CALR3: variants seen among roughly 807,000 people sequenced by gnomAD.
CALR3 encodes calreticulin 3, also known as calreticulin-3.
Under a neutral mutation model 48.7 loss-of-function variants are expected in CALR3, and 39 were observed. The ratio of observed to expected loss-of-function variants is 0.80; its 90% CI spans 0.62 to 1.05. The LOEUF is 1.05. CALR3 is among the 50% of genes least tolerant of loss of function. The pLI, the probability that CALR3 is intolerant of heterozygous loss-of-function variation, is 0.00. For missense variants in CALR3, 449 were observed against 474.7 expected (o/e 0.95, Z 0.50); for synonymous variants, 185 against 172.7 (o/e 1.07, Z -0.56).
chr19:16,487,194 T>C (rs984759530), intron 3 of CALR3, among the ~76,000 whole-genome samples: 1 of 151,970 alleles, frequency 6.6e-6, no homozygotes, highest in Non-Finnish European at 1.5e-5. Flanking sequence ...GTTGTAGAGA[T>C]GGGGCCAGGC....
intron 3 of CALR3, among the ~76,000 whole-genome samples, chr19:16,489,520 G>A (rs1332885968): frequency 6.6e-6 from 1 of 151,984 alleles, no homozygotes; most frequent in African/African-American, 2.4e-5. Context: ...TTGGGAGGCT[G>A]AAGCAGGTGA....
chr19:16,488,678 G>A (rs2093392914), intron 3 of CALR3, among the ~76,000 whole-genome samples: 1 of 152,286 alleles, frequency 6.6e-6, no homozygotes, highest in Admixed American at 6.5e-5. Flanking sequence ...AAAATGCTGA[G>A]ATTACAGGTG....
chr19:16,490,008 G>A (rs555252603), intron 3 of CALR3, among the ~76,000 whole-genome samples: 29 of 152,158 alleles, frequency 1.9e-4, no homozygotes, highest in Non-Finnish European at 2.9e-4. Flanking sequence ...TCAGATTAGC[G>A]TTGTTCAACC....
chr19:16,494,776 GC>G lies in CALR3; in HGVS notation c.193+974del, dbSNP rs558419936. On this transcript the variant is annotated intron_variant, in intron 2 of 8. Coordinates refer to ENST00000269881, the MANE Select transcript of CALR3 (RefSeq NM_145046.5). ...ACTTGACTAGTGTCTATTAAGAGGGGCAATTTTGGTAATGCCTACTAATAAC... is the reference window on the plus strand; with the variant it reads ...ACTTGACTAGTGTCTATTAAGAGGGGAATTTTGGTAATGCCTACTAATAAC... 1.6e-4 allele frequency among the ~76,000 whole-genome samples: 24 copies of G among 152,324 alleles called. No homozygotes were observed. The South Asian group carries it at 5.0e-3, about 32-fold the overall frequency.
intron 2 of CALR3, among the ~76,000 whole-genome samples, chr19:16,492,529 G>A (rs1446688067): frequency 6.6e-6 from 1 of 152,006 alleles, no homozygotes; most frequent in East Asian, 1.9e-4. Flanking sequence ...TTGGGAGTTG[G>A]AGACCAGCCT....
Position 16,479,093 on chromosome 19 carries a change from G to T in CALR3, c.*38C>A. 6.2e-7 allele frequency: 1 copy of T among 1,611,502 alleles called. No individual in the cohort carries two copies. The highest frequency in any genetic ancestry group is 1.1e-5 in the South Asian group (1 of 91,006). ...TTGAAACATAGATTAAAGTAGCAAT[G>T]AGATTTTACCAGTCATCCTTATATC... On this transcript the variant is annotated 3_prime_UTR_variant, in exon 9 of 9. Coordinates refer to ENST00000269881, the MANE Select transcript of CALR3 (RefSeq NM_145046.5).
In CALR3 at chr19:16,484,031, A is replaced by G. The variant is rs2093384873; in HGVS notation, c.577T>C (p.Ser193Pro). 3 of 1,614,084 alleles carry G rather than the reference A, an allele frequency of 1.9e-6. 1 individual carries two copies. The highest frequency in any genetic ancestry group is 2.5e-6 in the Non-Finnish European group (3 of 1,180,012). ...TTCCAGTCGTACTCTATGCTGCCGG[A>G]TTCAATTGACTGACCATCAATTTTC... ...DVKIDGQSIE[S>P]GSIEYDWNLT... Residue 193 changes from serine to proline, a missense_variant, in exon 5 of 9, where the codon TCC (serine) becomes CCC (proline). By Grantham distance (74) the Ser-to-Pro change is moderately conservative. Coordinates refer to ENST00000269881, the MANE Select transcript of CALR3 (RefSeq NM_145046.5).
chr19:16,488,103 G>A (rs1461077595), intron 3 of CALR3, among the ~76,000 whole-genome samples: 3 of 151,854 alleles, frequency 2.0e-5, no homozygotes, highest in South Asian at 2.1e-4. Flanking sequence ...GTGAGCCACC[G>A]CGCCCGGCTC....
At chr19:16,491,146 G>T (rs931208284) in intron 2 of CALR3, among the ~76,000 whole-genome samples, 2 of 150,584 alleles carry the variant, frequency 1.3e-5, no homozygotes, top group African/African-American at 4.9e-5. Flanking sequence ...TTTTTGAGAT[G>T]GAGTCTCGCT....
At chr19:16,479,305 A>G in intron 8 of CALR3, 31 bp from the exon 9 acceptor site, 1 of 1,612,828 alleles carries the variant, frequency 6.2e-7, no homozygotes, top group East Asian at 2.2e-5. Context: ...CATAAGCCCC[A>G]CCGGGTGCGA....
chr19:16,489,845 CAAAAACAA>C (rs2093395063), intron 3 of CALR3, among the ~76,000 whole-genome samples: 7 of 146,090 alleles, frequency 4.8e-5, no homozygotes, highest in South Asian at 4.3e-4. Flanking sequence ...AAAACAAAAA[CAAAAACAA>C]AAACAAACAA....
intron 3 of CALR3, among the ~76,000 whole-genome samples, chr19:16,490,095 G>C (rs1043086674): frequency 6.6e-6 from 1 of 152,118 alleles, no homozygotes; most frequent in Non-Finnish European, 1.5e-5. Context: ...AAACATTTCA[G>C]ATAAGGTATC....
intron 1 of CALR3, 44 bp downstream of exon 1, chr19:16,495,995 T>C (rs1455750453): frequency 2.5e-6 from 4 of 1,569,496 alleles, no homozygotes; most frequent in Non-Finnish European, 3.5e-6. Context: ...GGGGCGGAGA[T>C]GGGGGAGCTT....
rs201321577 is a variant in CALR3 at position 16,490,521 on chromosome 19, G to A, written c.243C>T (p.Phe81=). ...TTTTCCCTTTATTGCTGAACGGTTTGAAGCGTGCAGAGATGGCATAGAATC... is the reference window on the plus strand; with the variant it reads ...TTTTCCCTTTATTGCTGAACGGTTTAAAGCGTGCAGAGATGGCATAGAATC... ...NGRFYAISAR[F]KPFSNKGKTL... The change falls in exon 3 of 9, where the codon TTC becomes TTT. Residue 81 remains phenylalanine (F), a synonymous_variant. Coordinates refer to ENST00000269881, the MANE Select transcript of CALR3 (RefSeq NM_145046.5). 1.0e-4 allele frequency: 165 copies of A among 1,614,026 alleles called. No individual in the cohort carries two copies. Among genetic ancestry groups the A allele is most frequent in the Non-Finnish European group, 1.4e-5 (17 of 1,180,040 alleles).
intron 3 of CALR3, among the ~76,000 whole-genome samples, chr19:16,487,814 A>ATT (rs1158111803): frequency 1.5e-3 from 170 of 111,284 alleles, no homozygotes; most frequent in Middle Eastern, 5.5e-3. Context: ...CTAATTTTCA[A>ATT]TTTTTTTTTT....
At chr19:16,486,298 C>T (rs1193538993) in intron 3 of CALR3, among the ~76,000 whole-genome samples, 1 of 139,554 alleles carries the variant, frequency 7.2e-6, no homozygotes, top group Non-Finnish European at 1.6e-5. Flanking sequence ...CCTGGGTGAC[C>T]AAGCGAGACT....
rs753171373 is a variant in CALR3, at chr19:16,482,741, G to A, written c.723C>T (p.Ser241=). ...HFLDASTSKQ[S]DWNGDLDGDW... ...CCCCATCCAGGTCACCGTTCCAGTC[G>A]CTCTGCTTGCTGGTGCTGGCGTCCA... is the stretch of plus-strand genomic sequence containing the variant. Residue 241 remains serine, a synonymous_variant, in exon 6 of 9, where the codon AGC becomes AGT. Coordinates refer to ENST00000269881, the MANE Select transcript of CALR3 (RefSeq NM_145046.5). 46 of 1,613,702 alleles carry A rather than the reference G, an allele frequency of 2.9e-5. No homozygotes were observed. Among genetic ancestry groups the A allele is most frequent in the South Asian group, 2.0e-4 (18 of 91,062 alleles).
intron 4 of CALR3, 85 bp from the exon 5 acceptor site, chr19:16,484,200 TG>T (rs2093385383): frequency 6.1e-6 from 7 of 1,148,522 alleles, no homozygotes. Context: ...TTTTTTGAGA[TG>T]GAGTCTCACT....
At position 16,496,007 on chromosome 19, in the gene CALR3, CA is replaced by C. The variant is rs1240813885; in HGVS notation, c.91+31del. ...TAGGGGGCGGAGATGGGGGAGCTTA[CA>C]CCTCCGCCACCACGGGCGTGGCCCC... On this transcript the variant is annotated intron_variant, in intron 1 of 8. Transcript: ENST00000269881. 4 of 1,572,682 alleles carry C rather than the reference CA, an allele frequency of 2.5e-6. No individual in the cohort carries two copies. In the Admixed American group the frequency reaches 7.5e-5, roughly 29 times the overall value.
Sources: allele counts gnomAD v4.1 joint callset (sites outside exome capture counted in the v4.1 genomes callset), GRCh38; gene constraint gnomAD v4.1.1; transcripts MANE v1.5; gene names NCBI Gene and HGNC (gene_info 2026-07-23, HGNC 2026-07-21).